The following ADAMTSL1 variants were observed in gnomAD, a reference collection of about 807,000 sequenced individuals.
ADAMTSL1 encodes ADAMTS-like protein 1.
In ADAMTSL1, 126 loss-of-function variants were observed where a neutral mutation model predicts 201.8. The ratio of observed to expected loss-of-function variants is 0.62; its 90% confidence interval spans 0.54 to 0.72. The LOEUF is 0.72. ADAMTSL1 is among the 30% of genes least tolerant of loss of function. ADAMTSL1 has a pLI of 0.00. For synonymous variants in ADAMTSL1, 1,121 were observed against 903.4 expected (o/e 1.24, Z -4.32); for missense variants, 2,679 against 2,277.8 (o/e 1.18, Z -3.59).
At chr9:18,672,928 G>C (rs2811800) in intron 9 of ADAMTSL1, among the ~76,000 whole-genome samples, 116,487 of 152,062 alleles carry the variant, frequency 0.77, 45,208 homozygotes, top group African/African-American at 0.89. Flanking sequence ...GGGGATATTA[G>C]ATGGAGTCAT....
intron 13 of ADAMTSL1, among the ~76,000 whole-genome samples, chr9:18,688,426 C>A (rs1256415418): frequency 1.3e-5 from 2 of 150,994 alleles, no homozygotes; most frequent in African/African-American, 4.9e-5. Context: ...CCACACCCAG[C>A]CGAATATATT....
At chr9:18,577,237 G>C (rs1018790025) in intron 4 of ADAMTSL1, among the ~76,000 whole-genome samples, 1 of 152,142 alleles carries the variant, frequency 6.6e-6, no homozygotes, top group Non-Finnish European at 1.5e-5. Flanking sequence ...TGTAATCTGG[G>C]CATTTTGGTA....
intron 19 of ADAMTSL1, among the ~76,000 whole-genome samples, chr9:18,791,944 C>T (rs1822089456): frequency 6.6e-6 from 1 of 152,146 alleles, no homozygotes. Context: ...GGGCAGAAAG[C>T]ATGGTGGCTT....
In ADAMTSL1 at chr9:18,777,091, G is replaced by C. The variant is rs1349245514; in HGVS notation, c.2862G>C (p.Glu954Asp). 3 of 1,613,284 alleles carry C rather than the reference G, an allele frequency of 1.9e-6. No homozygotes were observed. The highest frequency in any genetic ancestry group is 2.5e-6 in the Non-Finnish European group (3 of 1,179,826). The change falls in exon 19 of 29, where the codon GAG becomes GAC. Residue 954 changes from glutamate to aspartate, a missense_variant. Transcript: ENST00000380548. ...VYTCSAGPAR[E>D]HFVIKLIGGN... ...CCTGCTCAGCGGGCCCGGCCCGGGA[G>C]CACTTTGTGATTAAGCTCATCGGAG...
At chr9:17,919,975 T>C (rs1271377638) in intron 1 of ADAMTSL1, among the ~76,000 whole-genome samples, 2 of 152,128 alleles carry the variant, frequency 1.3e-5, no homozygotes, top group African/African-American at 2.4e-5. Context: ...ACATCCTCAC[T>C]ATCACTTATT....
chr9:17,940,803 C>CCA (rs386414570), intron 1 of ADAMTSL1, among the ~76,000 whole-genome samples: 2 of 12,556 alleles, frequency 1.6e-4, no homozygotes, highest in Non-Finnish European at 3.5e-4. Context: ...GTAAATAACA[C>CCA]CCCCCCCCCA....
intron 2 of ADAMTSL1, among the ~76,000 whole-genome samples, chr9:18,293,108 T>C (rs1332433220): frequency 3.9e-5 from 6 of 152,214 alleles, no homozygotes; most frequent in Admixed American, 1.3e-4. Context: ...TTCTTCTTTA[T>C]GGCTGCATCG....
At chr9:18,854,646 A>G (rs546763947) in intron 23 of ADAMTSL1, among the ~76,000 whole-genome samples, 1 of 152,288 alleles carries the variant, frequency 6.6e-6, no homozygotes, top group South Asian at 2.1e-4. Flanking sequence ...AGGAGGGAGG[A>G]GAGAGGGCAG....
chr9:18,809,780 A>C (rs1277497342), intron 20 of ADAMTSL1, among the ~76,000 whole-genome samples: 5 of 151,908 alleles, frequency 3.3e-5, no homozygotes, highest in African/African-American at 1.2e-4. Flanking sequence ...CAAGAGCGAA[A>C]CTCCATCTCA....
At chr9:18,390,931 T>C (rs958544778) in intron 2 of ADAMTSL1, among the ~76,000 whole-genome samples, 3 of 152,196 alleles carry the variant, frequency 2.0e-5, no homozygotes, top group Admixed American at 6.6e-5. Context: ...TAATGTATGC[T>C]GAGATAAACG....
chr9:18,188,189 C>T (rs1323294383), intron 2 of ADAMTSL1, among the ~76,000 whole-genome samples: 1 of 152,106 alleles, frequency 6.6e-6, no homozygotes, highest in Non-Finnish European at 1.5e-5. Context: ...ACTCCTTTTC[C>T]CCCCAACACA....
At position 18,827,925 on chromosome 9, in the gene ADAMTSL1, T is replaced by C. The variant is rs143251697; in HGVS notation, c.4114+1462T>C. The stretch of plus-strand genomic sequence containing the variant: ...TTATTAAGGAAAGTTTGTTAGCTTT[T>C]AGCAGGTACTTTATGAACATCAAAG... On this transcript the variant is annotated intron_variant, in intron 22 of 28. Coordinates refer to ENST00000380548, the MANE Select transcript of ADAMTSL1 (RefSeq NM_001040272.6). 3.9e-5 allele frequency among the ~76,000 whole-genome samples: 6 copies of C among 152,376 alleles called. No individual in the cohort carries two copies. In the East Asian group the frequency reaches 1.2e-3, roughly 29 times the overall value.
At chr9:18,318,289 T>A (rs1189100776) in intron 2 of ADAMTSL1, among the ~76,000 whole-genome samples, 1 of 152,210 alleles carries the variant, frequency 6.6e-6, no homozygotes, top group Non-Finnish European at 1.5e-5. Flanking sequence ...GTATGCTTTA[T>A]GGACGGGTAC....
intron 1 of ADAMTSL1, among the ~76,000 whole-genome samples, chr9:17,917,036 A>T (rs1826122303): frequency 6.6e-6 from 1 of 152,162 alleles, no homozygotes; most frequent in Non-Finnish European, 1.5e-5. Context: ...ATGACATTTT[A>T]AAAAATTTTA....
chr9:18,753,633 C>G, intron 16 of ADAMTSL1, 125 bp downstream of exon 16: 1 of 1,059,802 alleles, frequency 9.4e-7, no homozygotes, highest in Non-Finnish European at 1.4e-6. Context: ...CTCATTTCTC[C>G]CTTCTTAGTA....
intron 1 of ADAMTSL1, among the ~76,000 whole-genome samples, chr9:18,124,110 T>C (rs1485635520): frequency 9.2e-6 from 1 of 108,692 alleles, no homozygotes; most frequent in Admixed American, 1.1e-4. Context: ...TGAGATGGAG[T>C]TTTTGCTCTG....
chr9:18,629,496 C>G (rs1426964331), intron 5 of ADAMTSL1, among the ~76,000 whole-genome samples: 1 of 152,264 alleles, frequency 6.6e-6, no homozygotes, highest in East Asian at 1.9e-4. Context: ...CCTCAACTGA[C>G]AAAGTCCTGT....
chr9:18,574,345 C>T, intron 4 of ADAMTSL1, 79 bp downstream of exon 4: 1 of 1,179,070 alleles, frequency 8.5e-7, no homozygotes, highest in Non-Finnish European at 1.3e-6. Context: ...TAGTCTCACT[C>T]TCTGAATCAC....
chr9:18,526,869 C>T (rs1017156898), intron 2 of ADAMTSL1, among the ~76,000 whole-genome samples: 5 of 152,262 alleles, frequency 3.3e-5, no homozygotes, highest in Admixed American at 2.6e-4. Context: ...AATCTATGGT[C>T]GCTCTAAGAT....
Sources: allele counts gnomAD v4.1 joint callset (sites outside exome capture counted in the v4.1 genomes callset), GRCh38; gene constraint gnomAD v4.1.1; transcripts MANE v1.5; gene names NCBI Gene and HGNC (gene_info 2026-07-23, HGNC 2026-07-21).